The following ADAM22 variants were observed in gnomAD, a reference collection of about 807,000 sequenced individuals.
ADAM22 encodes the protein disintegrin and metalloproteinase domain-containing protein 22.
ADAM22 carries 65 observed loss-of-function variants against 144.6 expected under a neutral mutation model. That is an observed-to-expected ratio of 0.45 (90% CI 0.37 to 0.55). ADAM22 has a LOEUF of 0.55. Ranked by LOEUF, ADAM22 falls within the 20% of genes least tolerant of loss-of-function variation. The pLI is 0.00. For synonymous variants in ADAM22, 391 were observed against 412.6 expected (o/e 0.95, Z 0.63); for missense variants, 974 against 1,184.9 (o/e 0.82, Z 2.61).
At chr7:88,136,172 A>G (rs1448981777) in intron 14 of ADAM22, 141 bp downstream of exon 14, 12 of 572,158 alleles carry the variant, frequency 2.1e-5, no homozygotes, top group Non-Finnish European at 3.0e-5. Context: ...TCTTATTTAT[A>G]AAAACAATTG....
chr7:88,193,296 A>C, intron 31 of ADAM22, 57 bp downstream of exon 31: 1 of 1,551,210 alleles, frequency 6.4e-7, no homozygotes. Context: ...TTTATCTATG[A>C]GTTTATATTT....
rs1341439122 is a variant in ADAM22, at chr7:88,155,975, G to T, written c.1876G>T (p.Val626Phe). Residue 626 changes from valine to phenylalanine, a missense_variant, in exon 22 of 32, where the codon GTT becomes TTT. Val to Phe is a conservative substitution (Grantham distance 50). Coordinates refer to ENST00000413139, the MANE Select transcript of ADAM22 (RefSeq NM_001324418.2). Reference sequence around the variant, plus strand: ...CGATGGTGAAATCACATCTACTTTAGTTGTGCAGCAAGGAAGAACATTAAA... The same window carrying T: ...CGATGGTGAAATCACATCTACTTTATTTGTGCAGCAAGGAAGAACATTAAA... ...ELDGEITSTLVVQQGRTLNCS... is the reference protein window; with the variant it reads ...ELDGEITSTLFVQQGRTLNCS... The T allele has an allele frequency of 6.2e-7, 1 of 1,613,204 alleles. No individual in the cohort carries two copies. The highest frequency in any genetic ancestry group is 8.5e-7 in the Non-Finnish European group (1 of 1,179,532).
intron 2 of ADAM22, among the ~76,000 whole-genome samples, chr7:87,954,649 T>C (rs911902336): frequency 1.3e-5 from 2 of 152,168 alleles, no homozygotes; most frequent in Non-Finnish European, 2.9e-5. Context: ...AGGAGTATCT[T>C]TGTGGCATTC....
chr7:88,189,652 C>A (rs1849148425), intron 30 of ADAM22, among the ~76,000 whole-genome samples: 2 of 152,100 alleles, frequency 1.3e-5, no homozygotes, highest in Non-Finnish European at 2.9e-5. Context: ...TTAACAAATT[C>A]TCCTGGATCT....
intron 3 of ADAM22, among the ~76,000 whole-genome samples, chr7:88,015,132 AAAT>A (rs1796280767): frequency 6.6e-6 from 1 of 152,212 alleles, no homozygotes; most frequent in Non-Finnish European, 1.5e-5. Context: ...TGTGGATACT[AAAT>A]AATACCTTTG....
At chr7:88,065,783 C>T (rs559177996) in intron 3 of ADAM22, among the ~76,000 whole-genome samples, 41 of 152,188 alleles carry the variant, frequency 2.7e-4, no homozygotes, top group African/African-American at 9.9e-4. Flanking sequence ...TACAGCTACA[C>T]ATCTATTTTA....
intron 14 of ADAM22, among the ~76,000 whole-genome samples, chr7:88,142,471 G>A (rs530828090): frequency 6.6e-6 from 1 of 152,190 alleles, no homozygotes; most frequent in South Asian, 2.1e-4. Context: ...AACTCTCCTT[G>A]ATTTAACTTG....
intron 3 of ADAM22, among the ~76,000 whole-genome samples, chr7:88,013,459 G>C (rs1795900869): frequency 6.6e-6 from 1 of 152,112 alleles, no homozygotes; most frequent in South Asian, 2.1e-4. Flanking sequence ...GAGTCTTGCT[G>C]TGTCACCCAG....
intron 24 of ADAM22, among the ~76,000 whole-genome samples, chr7:88,167,105 G>C (rs1425454374): frequency 1.3e-5 from 2 of 152,222 alleles, no homozygotes; most frequent in Non-Finnish European, 2.9e-5. Flanking sequence ...CTACTATCAT[G>C]GAGAATTGAA....
intron 3 of ADAM22, among the ~76,000 whole-genome samples, chr7:88,003,128 A>G (rs562877135): frequency 9.8e-5 from 15 of 152,356 alleles, no homozygotes; most frequent in African/African-American, 3.6e-4. Flanking sequence ...AGACAGCTGC[A>G]GGAGGCATGT....
rs116871678 is a variant in ADAM22, at chr7:87,978,517, C to T, written c.323+105C>T. 608 of 813,336 alleles carry T rather than the reference C, an allele frequency of 7.5e-4. 5 individuals are homozygous for T. In the East Asian group the frequency reaches 0.014, roughly 19 times the overall value. The allele number at this position is 813,336 out of a possible 1,614,324, so 50.4% of individuals were successfully genotyped here. The stretch of plus-strand genomic sequence containing the variant: ...TATATTTTACTTTGTCTTCCTATAC[C>T]GGTTAAATACTACATTTTAAACTAT... On this transcript the variant is annotated intron_variant, in intron 3 of 31. Transcript: ENST00000413139.
chr7:87,966,634 C>T (rs917726001), intron 2 of ADAM22, among the ~76,000 whole-genome samples: 2 of 146,890 alleles, frequency 1.4e-5, no homozygotes, highest in South Asian at 2.2e-4. Flanking sequence ...ACAAGAGTTC[C>T]GGGCTTTTAG....
chr7:88,151,032 G>C lies in ADAM22; in HGVS notation c.1617+1G>C, dbSNP rs375528926. On this transcript the variant is annotated splice_donor_variant, in intron 19 of 31. Transcript: ENST00000413139. LOFTEE classifies it high-confidence loss of function. ...TGGATATTCATGTGATGGTGTTCAG[G>C]TAGGTCACTTCATTTTTACCTATGT... The C allele has an allele frequency of 1.9e-6, 3 of 1,613,180 alleles. No individual in the cohort carries two copies. Among genetic ancestry groups the C allele is most frequent in the African/African-American group, 1.3e-5 (1 of 74,866 alleles).
intron 3 of ADAM22, among the ~76,000 whole-genome samples, chr7:88,032,207 G>A (rs924647350): frequency 6.6e-6 from 1 of 152,214 alleles, no homozygotes; most frequent in Non-Finnish European, 1.5e-5. Flanking sequence ...ACCTGGAAAA[G>A]CTGCAGGTAC....
rs562825861 is a variant in ADAM22 at position 88,121,608 on chromosome 7, A to G, written c.608-3981A>G. 2.6e-5 allele frequency among the ~76,000 whole-genome samples: 4 copies of G among 152,242 alleles called. No homozygotes were observed. The East Asian group carries it at 7.7e-4, about 29-fold the overall frequency. ...AGGATTAGCTTCTGAGCTCACTCAC[A>G]TAATTGTTGTCAGGCCTCAGTACCT... On this transcript the variant is annotated intron_variant, in intron 7 of 31. Transcript: ENST00000413139.
At chr7:88,069,236 T>C (rs968112782) in intron 3 of ADAM22, among the ~76,000 whole-genome samples, 1 of 151,748 alleles carries the variant, frequency 6.6e-6, no homozygotes, top group African/African-American at 2.4e-5. Context: ...TTTCCTTCTC[T>C]CTCCCTCTCT....
chr7:88,072,551 G>A (rs1813106715), intron 3 of ADAM22, among the ~76,000 whole-genome samples: 1 of 152,210 alleles, frequency 6.6e-6, no homozygotes, highest in Non-Finnish European at 1.5e-5. Flanking sequence ...GTCTAGCACA[G>A]GGATAGGGTG....
In ADAM22 at chr7:88,018,793, A is replaced by G. The variant is rs529551597; in HGVS notation, c.323+40381A>G. On this transcript the variant is annotated intron_variant, in intron 3 of 31. Coordinates refer to ENST00000413139, the MANE Select transcript of ADAM22 (RefSeq NM_001324418.2). ...TTAAATTGTTTCTTAGCAGTGAATA[A>G]TGGCTCCTTAGGAATAAATATGTGC... Among the ~76,000 whole-genome samples the G allele has an allele frequency of 3.3e-5, 5 of 152,338 alleles. No homozygotes were observed. In the South Asian group the frequency reaches 6.2e-4, roughly 19 times the overall value.
intron 3 of ADAM22, among the ~76,000 whole-genome samples, chr7:88,003,409 A>G (rs1408136073): frequency 1.3e-5 from 2 of 152,234 alleles, no homozygotes; most frequent in Admixed American, 6.5e-5. Context: ...CTGGGAATCA[A>G]GAGGCTCAGT....
Sources: gnomAD v4.1 joint callset for allele counts (sites outside exome capture counted in the v4.1 genomes callset) on GRCh38, gnomAD v4.1.1 for gene constraint, MANE v1.5 for transcripts, NCBI Gene and HGNC (gene_info 2026-07-23, HGNC 2026-07-21) for gene names.